KLRD1: variants seen among roughly 807,000 people sequenced by gnomAD.
KLRD1 encodes killer cell lectin like receptor D1.
KLRD1 carries 21 observed loss-of-function variants against 22.6 expected under a neutral mutation model. The ratio of observed to expected loss-of-function variants is 0.93; its 90% CI spans 0.66 to 1.34. The LOEUF (loss-of-function observed/expected upper bound fraction) is 1.34. Among genes scored for constraint, KLRD1 ranks in the 40% most tolerant of loss-of-function variants. KLRD1 has a pLI of 0.00. For synonymous variants in KLRD1, 59 were observed against 71.1 expected, an observed-to-expected ratio of 0.83 and a Z score of 0.85; for missense variants, 183 against 208.6, an observed-to-expected ratio of 0.88 and a Z score of 0.76.
At chr12:10,239,525 T>TTCTTTC (rs746968078) in intron 1 of KLRD1, among the ~76,000 whole-genome samples, 15,062 of 45,784 alleles carry the variant, frequency 0.33, 1,765 homozygotes, top group Admixed American at 0.45. Flanking sequence ...TCCCCTTTCT[T>TTCTTTC]TCTTTCTTTC....
Position 10,297,178 on chromosome 12 carries a change from G to C in KLRD1, c.-100-10800G>C, listed in dbSNP as rs527614576. ...CTGTGCTCACGCAAGTTGTAAACTT[G>C]TGCTCATTTGTATCCTGGTGTGTGG... On this transcript the variant is annotated intron_variant, in intron 1 of 5. Coordinates refer to the KLRD1 transcript ENST00000544747. Among the ~76,000 whole-genome samples, 5 of 152,326 alleles carry C rather than the reference G, an allele frequency of 3.3e-5. No homozygotes were observed. The East Asian group carries it at 9.6e-4, about 29-fold the overall frequency.
chr12:10,254,761 C>T (rs1319428581), intron 1 of KLRD1, among the ~76,000 whole-genome samples: 2 of 151,782 alleles, frequency 1.3e-5, no homozygotes, highest in African/African-American at 2.4e-5. Flanking sequence ...AGCGTGGTGG[C>T]GCCTGCCTGT....
chr12:10,268,433 T>C (rs1949519810), intron 1 of KLRD1, among the ~76,000 whole-genome samples: 1 of 152,234 alleles, frequency 6.6e-6, no homozygotes, highest in Admixed American at 6.5e-5. Flanking sequence ...AGAAGAAATG[T>C]CAAATAAGAG....
At position 10,312,051 on chromosome 12, in the gene KLRD1, CTTTT is replaced by C. The variant is rs71049085; in HGVS notation, c.315+452_315+455del. Reference sequence around the variant, plus strand: ...AAAACGTACCCAATTCTTTTCTTTTCTTTTTTTTTTTTTTTTTTTGAGACAGAGT... The same window carrying C: ...AAAACGTACCCAATTCTTTTCTTTTCTTTTTTTTTTTTTTTGAGACAGAGT... On this transcript the variant is annotated intron_variant, in intron 4 of 5. Coordinates refer to ENST00000336164, the MANE Select transcript of KLRD1 (RefSeq NM_002262.5). Among the ~76,000 whole-genome samples, 450 of 123,184 alleles carry C rather than the reference CTTTT, an allele frequency of 3.7e-3. 3 individuals carry two copies. Among genetic ancestry groups the C allele is most frequent in the African/African-American group, 0.013 (424 of 33,588 alleles). 80.8% of individuals were successfully genotyped at this position (123,184 alleles called of 152,430 possible).
chr12:10,312,051 C>CTT (rs71049085), intron 4 of KLRD1, among the ~76,000 whole-genome samples: 14 of 123,198 alleles, frequency 1.1e-4, no homozygotes, highest in South Asian at 5.2e-4. Context: ...CTTTTCTTTT[C>CTT]TTTTTTTTTT....
At chr12:10,239,462 C>CTCCT (rs1949215871) in intron 1 of KLRD1, among the ~76,000 whole-genome samples, 1 of 52,550 alleles carries the variant, frequency 1.9e-5, no homozygotes, top group Admixed American at 1.5e-4. Flanking sequence ...TCCTTCCTTC[C>CTCCT]TTCCTTCCTT....
intron 1 of KLRD1, among the ~76,000 whole-genome samples, chr12:10,239,525 T>TTC (rs1555098565): frequency 5.0e-4 from 23 of 45,944 alleles, no homozygotes; most frequent in African/African-American, 1.6e-3. Context: ...TCCCCTTTCT[T>TTC]TCTTTCTTTC....
chr12:10,303,264 T>G (rs770059117), upstream of KLRD1, among the ~76,000 whole-genome samples: 5 of 152,136 alleles, frequency 3.3e-5, no homozygotes, highest in Non-Finnish European at 7.3e-5. Flanking sequence ...CTCTTTTCCT[T>G]CATATTAGGG....
intron 1 of KLRD1, among the ~76,000 whole-genome samples, chr12:10,263,164 C>T (rs1482808919): frequency 6.6e-6 from 1 of 151,740 alleles, no homozygotes; most frequent in Non-Finnish European, 1.5e-5. Context: ...ATTATACAAA[C>T]TCTCTCTAAT....
intron 1 of KLRD1, among the ~76,000 whole-genome samples, chr12:10,268,654 A>C (rs1949521751): frequency 6.6e-6 from 1 of 152,188 alleles, no homozygotes; most frequent in Admixed American, 6.6e-5. Flanking sequence ...TATTATGTCT[A>C]ACTAGGTTTT....
chr12:10,317,255 G>A lies in KLRD1; in HGVS notation c.*2462G>A, dbSNP rs1950253194. 1 of 152,170 alleles carries A rather than the reference G, an allele frequency of 6.6e-6. No homozygotes were observed. Among genetic ancestry groups the A allele is most frequent in the African/African-American group, 2.4e-5 (1 of 41,430 alleles). The allele number at this position is 152,170 out of a possible 1,614,324, so 9.4% of individuals were successfully genotyped here. A position where few individuals can be genotyped will look rare whatever the true frequency, so the allele number is the denominator to read the frequency against. ...CTGCAATAAACATACGTGTGCATGTGAGGACAAGTAATTATTTTCTGTTTT... is the reference window on the plus strand; with the variant it reads ...CTGCAATAAACATACGTGTGCATGTAAGGACAAGTAATTATTTTCTGTTTT... On this transcript the variant is annotated 3_prime_UTR_variant, in exon 6 of 6. Coordinates refer to ENST00000336164, the MANE Select transcript of KLRD1 (RefSeq NM_002262.5).
intron 1 of KLRD1, among the ~76,000 whole-genome samples, chr12:10,249,146 G>C (rs1050283839): frequency 1.3e-5 from 2 of 152,072 alleles, no homozygotes; most frequent in Non-Finnish European, 2.9e-5. Context: ...TCCAAACATG[G>C]AGTCATTGGC....
chr12:10,315,259 C>G lies in KLRD1; in HGVS notation c.*466C>G, dbSNP rs1052529856. The G allele has an allele frequency of 1.8e-5, 8 of 441,478 alleles. No homozygotes were observed. The highest frequency in any genetic ancestry group is 1.6e-4 in the African/African-American group (8 of 48,632). 27.3% of individuals were successfully genotyped at this position (441,478 alleles called of 1,614,324 possible). ...TCAGCCTCCCAAGTAGCTAGGACTG[C>G]AGGCACCATGTCACTATGCCCGACT... On this transcript the variant is annotated 3_prime_UTR_variant, in exon 6 of 6. Transcript: ENST00000336164.
In KLRD1 at chr12:10,318,778, G is replaced by A. The variant is rs113059173; in HGVS notation, c.*3985G>A. Reference sequence around the variant, plus strand: ...GGAGAATGGCGAGAACCCGGGAGACGGAGTTTACAGTGAGCTGAGATCGCG... The same window carrying A: ...GGAGAATGGCGAGAACCCGGGAGACAGAGTTTACAGTGAGCTGAGATCGCG... On this transcript the variant is annotated 3_prime_UTR_variant, in exon 6 of 6. Coordinates refer to ENST00000336164, the MANE Select transcript of KLRD1 (RefSeq NM_002262.5). The A allele has an allele frequency of 0.015, 2,317 of 149,586 alleles. 54 individuals are homozygous for A. Among genetic ancestry groups the A allele is most frequent in the African/African-American group, 0.054 (2,163 of 40,228 alleles). 9.3% of individuals were successfully genotyped at this position (149,586 alleles called of 1,614,324 possible).
chr12:10,324,818 G>GTATATATATATATATA lies in KLRD1; in HGVS notation c.*10035_*10050dup, dbSNP rs1555113906. ...AGTATATATGTATATGTGTGTGTGT[G>GTATATATATATATATA]TATATATATATATATATATATATAT... On this transcript the variant is annotated 3_prime_UTR_variant, in exon 6 of 6. Transcript: ENST00000336164. 0.039 allele frequency: 2,918 copies of GTATATATATATATATA among 73,908 alleles called. 195 individuals are homozygous for GTATATATATATATATA. Among genetic ancestry groups the GTATATATATATATATA allele is most frequent in the South Asian group, 0.051 (74 of 1,460 alleles). The allele number at this position is 73,908 out of a possible 1,614,324, so 4.6% of individuals were successfully genotyped here.
intron 1 of KLRD1, among the ~76,000 whole-genome samples, chr12:10,241,773 TG>T (rs1194491340): frequency 6.6e-6 from 1 of 152,188 alleles, no homozygotes; most frequent in Non-Finnish European, 1.5e-5. Flanking sequence ...TATATGTGTA[TG>T]TATATATATA....
At chr12:10,287,491 A>G (rs1949718683) in intron 1 of KLRD1, among the ~76,000 whole-genome samples, 1 of 152,206 alleles carries the variant, frequency 6.6e-6, no homozygotes, top group Non-Finnish European at 1.5e-5. Context: ...AATAAATTCT[A>G]AGTTTTAAAA....
intron 1 of KLRD1, among the ~76,000 whole-genome samples, chr12:10,249,203 CA>C (rs1949322614): frequency 6.6e-6 from 1 of 152,126 alleles, no homozygotes; most frequent in South Asian, 2.1e-4. Context: ...TAACAGGGGA[CA>C]GGGGAGTTGC....
intron 1 of KLRD1, among the ~76,000 whole-genome samples, chr12:10,243,570 C>T (rs1256503590): frequency 8.9e-5 from 12 of 135,138 alleles, no homozygotes; most frequent in African/African-American, 2.6e-4. Context: ...GCCAAGGTCA[C>T]GCCACTCACT....
Sources: gnomAD v4.1 joint callset for allele counts (sites outside exome capture counted in the v4.1 genomes callset) on GRCh38, gnomAD v4.1.1 for gene constraint, MANE v1.5 for transcripts, NCBI Gene and HGNC (gene_info 2026-07-23, HGNC 2026-07-21) for gene names.